The following FSTL5 variants were observed in gnomAD, a reference collection of about 807,000 sequenced individuals.
The protein encoded by FSTL5 is follistatin like 5.
In FSTL5, 62 loss-of-function variants were observed where a neutral mutation model predicts 89.1. The ratio of observed to expected loss-of-function variants is 0.70; its 90% CI spans 0.57 to 0.86. The LOEUF (loss-of-function observed/expected upper bound fraction) is 0.86. Among genes scored for constraint, FSTL5 ranks in the 40% least tolerant of loss-of-function variants. The pLI is 0.00. For synonymous variants in FSTL5, 383 were observed against 346.2 expected, an observed-to-expected ratio of 1.11 and a Z score of -1.18; for missense variants, 1,057 against 1,001.6, an observed-to-expected ratio of 1.06 and a Z score of -0.75.
chr4:161,577,821 GATAGGTGCCAT>G (rs1235272462), intron 8 of FSTL5, among the ~76,000 whole-genome samples: 1 of 152,082 alleles, frequency 6.6e-6, no homozygotes, highest in Non-Finnish European at 1.5e-5. Context: ...CTTACACAAG[GATAGGTGCCAT>G]ATGAGTTGGA....
chr4:162,035,259 A>G (rs78391912), intron 2 of FSTL5: 1 of 152,154 alleles, frequency 6.6e-6, no homozygotes. Context: ...ACAGAAAAAA[A>G]TTGTGTCCTC....
intron 3 of FSTL5, among the ~76,000 whole-genome samples, chr4:161,963,199 A>G (rs1035549062): frequency 6.6e-6 from 1 of 152,004 alleles, no homozygotes; most frequent in Non-Finnish European, 1.5e-5. Context: ...TTGATTCAAA[A>G]TATCTATGAA....
intron 8 of FSTL5, among the ~76,000 whole-genome samples, chr4:161,569,297 C>T (rs192675653): frequency 2.0e-3 from 300 of 152,220 alleles, no homozygotes; most frequent in Non-Finnish European, 2.9e-3. Context: ...GCCATGGCTG[C>T]CATAAACATT....
intron 11 of FSTL5, among the ~76,000 whole-genome samples, chr4:161,505,333 A>G (rs1730440386): frequency 6.6e-6 from 1 of 152,210 alleles, no homozygotes; most frequent in African/African-American, 2.4e-5. Flanking sequence ...TTGCACCTCA[A>G]TAAAGTCTTT....
chr4:161,899,773 A>C lies in FSTL5; in HGVS notation c.409+20631T>G, dbSNP rs922748546. On this transcript the variant is annotated intron_variant, in intron 4 of 15. Transcript: ENST00000306100. ...AGTGAACTCCTTCTAGTACAGCCAG[A>C]TATTTGTGAAGAAAACACCAAAGAA... is the stretch of plus-strand genomic sequence containing the variant. Among the ~76,000 whole-genome samples, 5 of 152,320 alleles carry C rather than the reference A, an allele frequency of 3.3e-5. No individual in the cohort carries two copies. In the South Asian group the frequency reaches 8.3e-4, roughly 25 times the overall value.
Position 161,613,399 on chromosome 4 carries a change from G to A in FSTL5, c.895-25824C>T, listed in dbSNP as rs542121095. Reference sequence around the variant, plus strand: ...CAGGAGGCGGAGGTTGCAGGGAGCCGAGATGGTGCCACTGCACTCCAGTCT... The same window carrying A: ...CAGGAGGCGGAGGTTGCAGGGAGCCAAGATGGTGCCACTGCACTCCAGTCT... On this transcript the variant is annotated intron_variant, in intron 7 of 15. Transcript: ENST00000306100. Among the ~76,000 whole-genome samples the A allele has an allele frequency of 1.8e-4, 27 of 150,912 alleles. No homozygotes were observed. In the South Asian group the frequency reaches 5.4e-3, roughly 30 times the overall value.
intron 10 of FSTL5, among the ~76,000 whole-genome samples, chr4:161,514,857 T>C (rs1469643565): frequency 6.6e-6 from 1 of 152,078 alleles, no homozygotes; most frequent in Admixed American, 6.6e-5. Context: ...AATATCCAAT[T>C]TCTATATTTT....
chr4:161,570,035 C>T (rs193102135), intron 8 of FSTL5, among the ~76,000 whole-genome samples: 99 of 152,162 alleles, frequency 6.5e-4, no homozygotes, highest in African/African-American at 2.2e-3. Flanking sequence ...AAAAATGCTG[C>T]CTCTTTAATA....
chr4:161,651,697 C>T (rs566292621), intron 7 of FSTL5, among the ~76,000 whole-genome samples: 4 of 152,096 alleles, frequency 2.6e-5, no homozygotes, highest in South Asian at 4.2e-4. Flanking sequence ...TTCATTTTAC[C>T]GATAAGGGTG....
At chr4:161,665,835 ACT>A (rs35853925) in intron 6 of FSTL5, among the ~76,000 whole-genome samples, 52,851 of 151,660 alleles carry the variant, frequency 0.35, 9,462 homozygotes, top group Middle Eastern at 0.52. Context: ...CTAGATGAAC[ACT>A]CACAGATGCA....
chr4:162,065,047 C>A (rs550113838), intron 2 of FSTL5, among the ~76,000 whole-genome samples: 2 of 151,976 alleles, frequency 1.3e-5, no homozygotes, highest in South Asian at 4.2e-4. Flanking sequence ...AATTGAATAT[C>A]CACATGCAAA....
At chr4:161,923,542 A>G (rs968648139) in intron 3 of FSTL5, among the ~76,000 whole-genome samples, 2 of 151,830 alleles carry the variant, frequency 1.3e-5, no homozygotes, top group Non-Finnish European at 2.9e-5. Context: ...GTATAATTTT[A>G]TGTCATATTT....
At chr4:161,437,753 G>A (rs1732619959) in intron 15 of FSTL5, among the ~76,000 whole-genome samples, 1 of 152,016 alleles carries the variant, frequency 6.6e-6, no homozygotes, top group Admixed American at 6.6e-5. Context: ...TAGCAATTGG[G>A]AATTTTCTGA....
chr4:161,477,123 C>A (rs897058756), intron 13 of FSTL5, among the ~76,000 whole-genome samples: 1 of 147,688 alleles, frequency 6.8e-6, no homozygotes, highest in Middle Eastern at 3.4e-3. Context: ...ATAAACAAAT[C>A]GTGCCCTAGT....
intron 7 of FSTL5, among the ~76,000 whole-genome samples, chr4:161,624,234 T>C (rs1247003451): frequency 2.6e-5 from 4 of 152,010 alleles, no homozygotes; most frequent in African/African-American, 9.7e-5. Flanking sequence ...CCCTTTATTA[T>C]TACAATTTCT....
intron 15 of FSTL5, among the ~76,000 whole-genome samples, chr4:161,401,940 C>A (rs1341408024): frequency 6.6e-6 from 1 of 152,090 alleles, no homozygotes; most frequent in East Asian, 1.9e-4. Flanking sequence ...TAATTTAACA[C>A]TCAATTTTCT....
At chr4:161,418,599 C>A (rs1731870702) in intron 15 of FSTL5, among the ~76,000 whole-genome samples, 1 of 152,066 alleles carries the variant, frequency 6.6e-6, no homozygotes, top group Admixed American at 6.6e-5. Flanking sequence ...TTATGTATAG[C>A]TCACATTTAA....
intron 8 of FSTL5, among the ~76,000 whole-genome samples, chr4:161,567,773 C>A (rs1732868456): frequency 7.3e-6 from 1 of 136,698 alleles, no homozygotes; most frequent in Non-Finnish European, 1.6e-5. Context: ...AGTCACCTAT[C>A]TGAGATTTGC....
At chr4:161,956,214 A>T (rs1735022208) in intron 3 of FSTL5, among the ~76,000 whole-genome samples, 2 of 151,928 alleles carry the variant, frequency 1.3e-5, no homozygotes, top group Non-Finnish European at 2.9e-5. Flanking sequence ...AAATAGCAAT[A>T]AATGAATTTC....
Sources: gnomAD v4.1 joint callset for allele counts (sites outside exome capture counted in the v4.1 genomes callset) on GRCh38, gnomAD v4.1.1 for gene constraint, MANE v1.5 for transcripts, NCBI Gene and HGNC (gene_info 2026-07-23, HGNC 2026-07-21) for gene names.